ABCA12: variants seen among roughly 807,000 people sequenced by gnomAD.
ABCA12 encodes the protein ATP binding cassette subfamily A member 12.
ABCA12 carries 156 observed loss-of-function variants against 293.5 expected under a neutral mutation model. The ratio of observed to expected loss-of-function variants is 0.53; its 90% CI spans 0.47 to 0.61. The LOEUF (loss-of-function observed/expected upper bound fraction) is 0.61. Ranked by LOEUF, ABCA12 falls within the 20% of genes least tolerant of loss-of-function variation. The probability of loss-of-function intolerance (pLI) is 0.00; values close to 1 mark genes in which losing one functional copy is unlikely to be tolerated. For synonymous variants in ABCA12, 1,063 were observed against 1,108.0 expected, an observed-to-expected ratio of 0.96 and a Z score of 0.81; for missense variants, 2,797 against 3,090.2, an observed-to-expected ratio of 0.91 and a Z score of 2.25.
At chr2:215,081,536 A>C (rs1012573925) in intron 2 of ABCA12, among the ~76,000 whole-genome samples, 2 of 151,718 alleles carry the variant, frequency 1.3e-5, no homozygotes, top group Admixed American at 6.6e-5. Flanking sequence ...TAAAAGAAAA[A>C]GAAAAGAAAC....
intron 39 of ABCA12, among the ~76,000 whole-genome samples, chr2:214,960,842 C>T (rs1361706427): frequency 1.3e-5 from 2 of 151,892 alleles, no homozygotes; most frequent in African/African-American, 4.8e-5. Flanking sequence ...ACAAGCAAAC[C>T]TGTATTTTTT....
chr2:215,129,260 T>C (rs571890906), intron 1 of ABCA12, among the ~76,000 whole-genome samples: 2 of 152,228 alleles, frequency 1.3e-5, no homozygotes, highest in African/African-American at 4.8e-5. Context: ...GCACTCACAG[T>C]TTTGGAAGGG....
At chr2:215,124,350 T>C (rs1702875696) in intron 1 of ABCA12, among the ~76,000 whole-genome samples, 1 of 152,234 alleles carries the variant, frequency 6.6e-6, no homozygotes, top group African/African-American at 2.4e-5. Flanking sequence ...CTGGATCAAA[T>C]TGTAGTTCTA....
intron 1 of ABCA12, among the ~76,000 whole-genome samples, chr2:215,117,544 A>T (rs1702711459): frequency 6.6e-6 from 1 of 152,234 alleles, no homozygotes. Flanking sequence ...TCAAGTATTT[A>T]CAAATTTCAA....
At chr2:215,016,531 G>A (rs1296257334) in intron 14 of ABCA12, among the ~76,000 whole-genome samples, 26 of 118,476 alleles carry the variant, frequency 2.2e-4, no homozygotes, top group Middle Eastern at 0.014. Flanking sequence ...TGCAGTGAGC[G>A]GAGATTGTAC....
intron 36 of ABCA12, 42 bp downstream of exon 36, chr2:214,973,907 C>T: frequency 1.3e-6 from 2 of 1,500,480 alleles, no homozygotes; most frequent in South Asian, 2.2e-5. Context: ...GATATTTATT[C>T]CCGTATTTTT....
intron 2 of ABCA12, among the ~76,000 whole-genome samples, chr2:215,071,196 C>CAAATAAAATAAAATA (rs149235929): frequency 2.3e-4 from 28 of 120,088 alleles, no homozygotes; most frequent in South Asian, 1.5e-3. Flanking sequence ...GATCCTGTCT[C>CAAATAAAATAAAATA]AAATAAAATA....
At chr2:215,098,851 C>T (rs1489957196) in intron 2 of ABCA12, among the ~76,000 whole-genome samples, 1 of 152,210 alleles carries the variant, frequency 6.6e-6, no homozygotes, top group Non-Finnish European at 1.5e-5. Flanking sequence ...CGTGCAGGCC[C>T]TGCTAGGTAC....
At chr2:214,934,860 A>AAACTT (rs1293192184) in intron 51 of ABCA12, among the ~76,000 whole-genome samples, 1 of 152,150 alleles carries the variant, frequency 6.6e-6, no homozygotes, top group Non-Finnish European at 1.5e-5. Flanking sequence ...AATACCTCTC[A>AAACTT]AACTTAACCT....
At chr2:214,935,363 A>C (rs1698187280) in intron 51 of ABCA12, among the ~76,000 whole-genome samples, 1 of 152,232 alleles carries the variant, frequency 6.6e-6, no homozygotes, top group Non-Finnish European at 1.5e-5. Flanking sequence ...TTCATCACTC[A>C]GTGAAACAAC....
chr2:214,937,881 T>C (rs774140942), intron 50 of ABCA12, among the ~76,000 whole-genome samples: 3 of 152,226 alleles, frequency 2.0e-5, no homozygotes, highest in Non-Finnish European at 4.4e-5. Context: ...CATAAAATCT[T>C]GGCTTTCTAT....
intron 9 of ABCA12, among the ~76,000 whole-genome samples, chr2:215,030,561 G>C (rs892418376): frequency 2.7e-5 from 4 of 150,384 alleles, no homozygotes; most frequent in Non-Finnish European, 5.9e-5. Flanking sequence ...CCGAGATGGC[G>C]CCACTGCACT....
chr2:215,019,389 A>G lies in ABCA12; in HGVS notation c.1604T>C (p.Ile535Thr). 1 of 1,613,424 alleles carries G rather than the reference A, an allele frequency of 6.2e-7. No homozygotes were observed. The highest frequency in any genetic ancestry group is 8.5e-7 in the Non-Finnish European group (1 of 1,180,030). ...ATTGACATGCAGCATGGCTTCTATG[A>G]TCGGTATTAACTGAGTGATATTTTC... The part of the protein sequence containing the change: ...YLENITQLIP[I>T]IEAMLHVNNS... Residue 535 changes from isoleucine to threonine, a missense_variant, in exon 13 of 53, where the codon ATC (isoleucine) becomes ACC (threonine). Physicochemically the swap from Ile to Thr is moderately conservative, Grantham distance 89. Transcript: ENST00000272895.
At chr2:215,066,481 T>C (rs965048235) in intron 2 of ABCA12, among the ~76,000 whole-genome samples, 3 of 152,084 alleles carry the variant, frequency 2.0e-5, no homozygotes, top group African/African-American at 7.2e-5. Flanking sequence ...AAAAAAGAGC[T>C]TTCGGTGACA....
rs1421023506 is a variant in ABCA12 at position 215,134,474 on chromosome 2, G to C, written c.69+3666C>G. 5.7e-5 allele frequency among the ~76,000 whole-genome samples: 7 copies of C among 123,744 alleles called. 2 individuals carry two copies. Among genetic ancestry groups the C allele is most frequent in the Admixed American group, 2.5e-4 (3 of 12,176 alleles). 81.2% of individuals were successfully genotyped at this position (123,744 alleles called of 152,430 possible). Reference sequence around the variant, plus strand: ...TATGTACATATATGCATATGTGTATGTGTATATATACGTATATATGCACAT... The same window carrying C: ...TATGTACATATATGCATATGTGTATCTGTATATATACGTATATATGCACAT... On this transcript the variant is annotated intron_variant, in intron 1 of 52. Coordinates refer to ENST00000272895, the MANE Select transcript of ABCA12 (RefSeq NM_173076.3).
At chr2:215,130,618 G>C (rs1043812625) in intron 1 of ABCA12, among the ~76,000 whole-genome samples, 4 of 152,074 alleles carry the variant, frequency 2.6e-5, no homozygotes. Flanking sequence ...AGGCCTAGAA[G>C]ACTTCTAGAG....
In ABCA12 at chr2:214,956,679, G is replaced by T; in HGVS notation, c.6217C>A (p.Leu2073Ile). 6.2e-7 allele frequency: 1 copy of T among 1,612,770 alleles called. No individual in the cohort carries two copies. Among genetic ancestry groups the T allele is most frequent in the Non-Finnish European group, 8.5e-7 (1 of 1,178,956 alleles). Reference protein sequence around the residue: ...SENNLGAVSLLLLLFGYATFS... With the variant: ...SENNLGAVSLILLLFGYATFS... ...GCAGCTTACCCAAACAGGAGAAGTAGGAGAGATACAGCGCCTAGGTTGTTT... is the reference window on the plus strand; with the variant it reads ...GCAGCTTACCCAAACAGGAGAAGTATGAGAGATACAGCGCCTAGGTTGTTT... The change falls in exon 42 of 53, where the codon CTA becomes ATA. Residue 2073 changes from leucine (L) to isoleucine (I), a missense_variant. By Grantham distance (5) the Leu-to-Ile change is conservative. Coordinates refer to ENST00000272895, the MANE Select transcript of ABCA12 (RefSeq NM_173076.3).
chr2:215,048,869 T>C (rs920394784), intron 6 of ABCA12, among the ~76,000 whole-genome samples: 1 of 152,170 alleles, frequency 6.6e-6, no homozygotes, highest in African/African-American at 2.4e-5. Flanking sequence ...TGGATGGAGC[T>C]GGAGGCCATT....
Position 215,000,888 on chromosome 2 carries a change from C to T in ABCA12, c.2996G>A (p.Arg999Lys), listed in dbSNP as rs1413170882. The T allele has an allele frequency of 1.9e-6, 3 of 1,614,118 alleles. No individual in the cohort carries two copies. The South Asian group carries it at 3.3e-5, about 18-fold the overall frequency. The change falls in exon 22 of 53, where the codon AGA becomes AAA. Residue 999 changes from arginine to lysine, a missense_variant. Coordinates refer to ENST00000272895, the MANE Select transcript of ABCA12 (RefSeq NM_173076.3). The stretch of plus-strand genomic sequence containing the variant: ...TGGCCCTGGAGCCCAAATCTTGGTT[C>T]TTAGGCTTCTTGTGGTCTGTGCGGT... ...LKTAQTTRSL[R>K]TKIWAPGPHN...
Sources: allele counts gnomAD v4.1 joint callset (sites outside exome capture counted in the v4.1 genomes callset), GRCh38; gene constraint gnomAD v4.1.1; transcripts MANE v1.5; gene names NCBI Gene and HGNC (gene_info 2026-07-23, HGNC 2026-07-21).